PRSS23: variants seen among roughly 807,000 people sequenced by gnomAD.
PRSS23 encodes protease, serine 23.
A neutral mutation model predicts 34.7 loss-of-function variants in PRSS23; 25 were observed. That is an observed-to-expected ratio of 0.72 (90% CI 0.53 to 1.01). The LOEUF (loss-of-function observed/expected upper bound fraction) is 1.01. Among genes scored for constraint, PRSS23 ranks in the 50% least tolerant of loss-of-function variants. The probability of loss-of-function intolerance (pLI) is 0.00; values close to 1 mark genes in which losing one functional copy is unlikely to be tolerated. For missense variants in PRSS23, 445 were observed against 475.6 expected, an observed-to-expected ratio of 0.94 and a Z score of 0.60; for synonymous variants, 176 against 186.6, an observed-to-expected ratio of 0.94 and a Z score of 0.46.
At chr11:86,903,851 T>C (rs1398194883) in intron 2 of PRSS23, among the ~76,000 whole-genome samples, 1 of 152,194 alleles carries the variant, frequency 6.6e-6, no homozygotes, top group Non-Finnish European at 1.5e-5. Context: ...GGTAAGTGAC[T>C]TATTTATTCT....
At chr11:86,927,136 A>G (rs957166983) in intron 2 of PRSS23, among the ~76,000 whole-genome samples, 12 of 152,190 alleles carry the variant, frequency 7.9e-5, no homozygotes, top group African/African-American at 2.7e-4. Context: ...CATGGGTCCA[A>G]TCAGCTTTGC....
intron 1 of PRSS23, among the ~76,000 whole-genome samples, chr11:86,806,590 T>C (rs914222270): frequency 6.6e-6 from 1 of 152,226 alleles, no homozygotes; most frequent in Non-Finnish European, 1.5e-5. Flanking sequence ...GGCTGTGGCA[T>C]ACTATTTCTC....
rs1189871205 is a variant in PRSS23 at position 86,808,653 on chromosome 11, T to C, written c.1010T>C (p.Ile337Thr). The C allele has an allele frequency of 1.2e-6, 2 of 1,614,174 alleles. No homozygotes were observed. Among genetic ancestry groups the C allele is most frequent in the Admixed American group, 1.7e-5 (1 of 60,024 alleles). The change falls in exon 2 of 2, where the codon ATT (isoleucine) becomes ACT (threonine). Residue 337 changes from isoleucine (I) to threonine (T), a missense_variant. By Grantham distance (89) the Ile-to-Thr change is moderately conservative (BLOSUM62 -1). Transcript: ENST00000280258. ...CAGCAGAAGTGGGAGCGAAAAATTA[T>C]TGGCATTTTTTCAGGGCACCAGTGG... ...RQQQKWERKI[I>T]GIFSGHQWVD...
At chr11:86,943,396 G>A (rs376497451) in intron 2 of PRSS23, among the ~76,000 whole-genome samples, 3 of 152,286 alleles carry the variant, frequency 2.0e-5, no homozygotes, top group Non-Finnish European at 1.5e-5. Context: ...AGGCTGAGGC[G>A]GGAGGATCGC....
rs531395368 is a variant in PRSS23, at chr11:86,879,225, C to T, written c.206+55632C>T. On this transcript the variant is annotated intron_variant, in intron 2 of 2. Coordinates refer to the PRSS23 transcript ENST00000533902. Reference sequence around the variant, plus strand: ...ATCATCTGAGATGTGGGGAGCGCCTCTGCCCCGCCGCCCCGTCTGGGATGT... The same window carrying T: ...ATCATCTGAGATGTGGGGAGCGCCTTTGCCCCGCCGCCCCGTCTGGGATGT... 1.4e-4 allele frequency among the ~76,000 whole-genome samples: 21 copies of T among 148,892 alleles called. No individual in the cohort carries two copies. In the East Asian group the frequency reaches 3.3e-3, roughly 24 times the overall value.
intron 2 of PRSS23, among the ~76,000 whole-genome samples, chr11:86,842,761 G>A (rs957522351): frequency 1.3e-5 from 2 of 152,318 alleles, no homozygotes; most frequent in East Asian, 1.9e-4. Flanking sequence ...ACTGCTCAAC[G>A]AAATAAAAGA....
chr11:86,848,469 A>T (rs1565365118), intron 2 of PRSS23, among the ~76,000 whole-genome samples: 1 of 152,180 alleles, frequency 6.6e-6, no homozygotes, highest in Non-Finnish European at 1.5e-5. Flanking sequence ...TTGCATTTTA[A>T]AAGGGTTGAG....
At chr11:86,815,391 C>T (rs569183549), downstream of PRSS23, among the ~76,000 whole-genome samples, 9 of 152,318 alleles carry the variant, frequency 5.9e-5, no homozygotes, top group Admixed American at 1.3e-4. Flanking sequence ...TGTGTCCCCA[C>T]AATTAGAACA....
exon 2 of PRSS23, chr11:86,823,436 C>T (rs1223820869): frequency 2.7e-5 from 19 of 702,214 alleles, no homozygotes; most frequent in Non-Finnish European, 4.7e-5. Flanking sequence ...TCCTCATGCC[C>T]CCACAACTGT....
At chr11:86,940,287 T>C (rs977880207) in intron 2 of PRSS23, among the ~76,000 whole-genome samples, 2 of 152,188 alleles carry the variant, frequency 1.3e-5, no homozygotes, top group South Asian at 2.1e-4. Context: ...ATCTTTAGTT[T>C]GCAACGTAGG....
chr11:86,791,625 A>C (rs898897395), intron 1 of PRSS23, among the ~76,000 whole-genome samples: 1 of 152,188 alleles, frequency 6.6e-6, no homozygotes. Flanking sequence ...AGAGGCCTAG[A>C]CTGTGGGGAA....
In PRSS23 at chr11:86,938,207, C is replaced by T. The variant is rs570953083; in HGVS notation, c.207-13009C>T. ...AAGAACAGCTCTTGCCCTTGAGAAG[C>T]TCAAACACATCTAGAGGAGAAACAA... On this transcript the variant is annotated intron_variant, in intron 2 of 2. Coordinates refer to the PRSS23 transcript ENST00000533902. Among the ~76,000 whole-genome samples the T allele has an allele frequency of 2.4e-4, 36 of 152,300 alleles. No homozygotes were observed. In the South Asian group the frequency reaches 6.4e-3, roughly 27 times the overall value.
In PRSS23 at chr11:86,808,200, G is replaced by A; in HGVS notation, c.557G>A (p.Gly186Glu). Residue 186 changes from glycine (G) to glutamate (E), a missense_variant, in exon 2 of 2, where the codon GGA becomes GAA. Coordinates refer to ENST00000280258, the MANE Select transcript of PRSS23 (RefSeq NM_007173.6). ...CACGATGGAAAAACCTATGTGAAAGGAACCCAGAAGCTTCGAGTGGGCTTC... is the reference window on the plus strand; with the variant it reads ...CACGATGGAAAAACCTATGTGAAAGAAACCCAGAAGCTTCGAGTGGGCTTC... ...CIHDGKTYVK[G>E]TQKLRVGFLK... is the part of the protein sequence containing the mutation. 1 of 1,614,102 alleles carries A rather than the reference G, an allele frequency of 6.2e-7. No individual in the cohort carries two copies. Among genetic ancestry groups the A allele is most frequent in the East Asian group, 2.2e-5 (1 of 44,872 alleles).
chr11:86,935,978 GC>G (rs1293023543), intron 2 of PRSS23: 2 of 152,196 alleles, frequency 1.3e-5, no homozygotes, highest in Non-Finnish European at 2.9e-5. Flanking sequence ...TAAGCACAGG[GC>G]TCTGAATGAC....
chr11:86,816,097 C>T (rs1338302424), downstream of PRSS23, among the ~76,000 whole-genome samples: 1 of 152,192 alleles, frequency 6.6e-6, no homozygotes, highest in Non-Finnish European at 1.5e-5. Context: ...TTCCCAGAGT[C>T]ACATAACCTG....
chr11:86,881,683 T>C (rs1948772960), intron 2 of PRSS23, among the ~76,000 whole-genome samples: 1 of 152,198 alleles, frequency 6.6e-6, no homozygotes, highest in African/African-American at 2.4e-5. Flanking sequence ...TAATTCTTCT[T>C]TAAATGTTTG....
intron 1 of PRSS23, among the ~76,000 whole-genome samples, chr11:86,802,744 A>G (rs1948054981): frequency 6.6e-6 from 1 of 152,184 alleles, no homozygotes; most frequent in African/African-American, 2.4e-5. Flanking sequence ...CATTCTCTCA[A>G]ACAGTGGCCC....
intron 2 of PRSS23, among the ~76,000 whole-genome samples, chr11:86,827,999 G>C (rs1469569670): frequency 4.6e-5 from 7 of 152,160 alleles, no homozygotes; most frequent in Admixed American, 6.6e-5. Context: ...TTCTGTAGAT[G>C]TCTATTAGGT....
chr11:86,812,386 G>A (rs55784956), downstream of PRSS23, among the ~76,000 whole-genome samples: 5,222 of 152,266 alleles, frequency 0.034, 228 homozygotes, highest in Non-Finnish European at 0.043. Context: ...TGGGGTCATC[G>A]TACATACATG....
Sources: gnomAD v4.1 joint callset for allele counts (sites outside exome capture counted in the v4.1 genomes callset) on GRCh38, gnomAD v4.1.1 for gene constraint, MANE v1.5 for transcripts, NCBI Gene and HGNC (gene_info 2026-07-23, HGNC 2026-07-21) for gene names.